Variants in ADAP1 observed in about 807,000 individuals in gnomAD.
The protein encoded by ADAP1 is ArfGAP with dual PH domains 1.
Under a neutral mutation model 54.9 loss-of-function variants are expected in ADAP1, and 31 were observed. That is an observed-to-expected ratio of 0.56 (90% CI 0.42 to 0.76). The LOEUF is 0.76. Among genes scored for constraint, ADAP1 ranks in the 30% least tolerant of loss-of-function variants. The pLI is 0.00. For synonymous variants in ADAP1, 313 were observed against 202.6 expected (o/e 1.55, Z -4.63); for missense variants, 535 against 512.4 (o/e 1.04, Z -0.42).
upstream of ADAP1, chr7:954,758 G>C (rs867484993): frequency 1.0e-6 from 1 of 964,860 alleles, no homozygotes; most frequent in Non-Finnish European, 1.2e-6. Flanking sequence ...GCAGGCGAGC[G>C]TGTGGCCTCC....
intron 4 of ADAP1, among the ~76,000 whole-genome samples, chr7:909,141 G>A (rs1430794712): frequency 6.7e-6 from 1 of 149,014 alleles, no homozygotes; most frequent in African/African-American, 2.5e-5. Flanking sequence ...GACAGCAGGC[G>A]CCAGCGGGAA....
At position 906,919 on chromosome 7, in the gene ADAP1, G is replaced by A. The variant is rs150771911; in HGVS notation, c.389-1747C>T. Among the ~76,000 whole-genome samples the A allele has an allele frequency of 2.7e-4, 39 of 146,618 alleles. 1 individual carries two copies. In the East Asian group the frequency reaches 2.9e-3, roughly 11 times the overall value. ...GCCAGCCTGAGGACGGCCTGGATGA[G>A]CGGGACTCCAGCTGTCCTTTACTGG... On this transcript the variant is annotated intron_variant, in intron 4 of 10. Transcript: ENST00000265846.
At chr7:903,821 C>T (rs577384481) in intron 6 of ADAP1, 2 of 310,598 alleles carry the variant, frequency 6.4e-6, no homozygotes, top group Admixed American at 4.8e-5. Flanking sequence ...CTGGCAGCCC[C>T]CACTGACAGG....
chr7:914,216 CCACCTGGCCCAGGCCT>C (rs1483740994), intron 4 of ADAP1, among the ~76,000 whole-genome samples: 4 of 152,108 alleles, frequency 2.6e-5, no homozygotes, highest in South Asian at 4.1e-4. Context: ...AGAGCGGGAG[CCACCTGGCCCAGGCCT>C]CACCTGGCCA....
At chr7:901,062 T>C (rs1361760069) in intron 6 of ADAP1, 2 of 471,222 alleles carry the variant, frequency 4.2e-6, no homozygotes, top group Admixed American at 2.3e-5. Context: ...GAGGCTCATC[T>C]GTTTATAAAC....
intron 5 of ADAP1, among the ~76,000 whole-genome samples, chr7:904,611 C>T (rs1845002646): frequency 6.6e-6 from 1 of 152,212 alleles, no homozygotes; most frequent in Non-Finnish European, 1.5e-5. Flanking sequence ...CAGTGCCCGC[C>T]ACGGCTCAGG....
chr7:938,039 G>T lies in ADAP1; in HGVS notation c.83-2534C>A, dbSNP rs1319950234. Among the ~76,000 whole-genome samples the T allele has an allele frequency of 1.3e-5, 2 of 152,220 alleles. No individual in the cohort carries two copies. The highest frequency in any genetic ancestry group is 6.5e-5 in the Admixed American group (1 of 15,282). The stretch of plus-strand genomic sequence containing the variant: ...AGGCTTTCTCCTCACCCCTCAGTCA[G>T]TCAAACATTTGCCCAAGTGACCCTG... On this transcript the variant is annotated intron_variant, in intron 1 of 10. Coordinates refer to ENST00000265846, the MANE Select transcript of ADAP1 (RefSeq NM_006869.4). The surrounding 1 kb of genome is among the most constrained non-coding windows in gnomAD (Gnocchi z 4.4).
At chr7:913,198 CTTT>C (rs10698107) in intron 4 of ADAP1, among the ~76,000 whole-genome samples, 109 of 104,190 alleles carry the variant, frequency 1.0e-3, no homozygotes, top group African/African-American at 3.5e-3. Flanking sequence ...CCTCCCCTTC[CTTT>C]TTTTTTTTTT....
rs112440513 is a variant in ADAP1 at position 903,085 on chromosome 7, C to T, written c.648+1041G>A. Among the ~76,000 whole-genome samples the T allele has an allele frequency of 5.0e-3, 762 of 152,222 alleles. 4 individuals carry two copies. The highest frequency in any genetic ancestry group is 0.017 in the African/African-American group (707 of 41,544). On this transcript the variant is annotated intron_variant, in intron 6 of 10. Coordinates refer to ENST00000265846, the MANE Select transcript of ADAP1 (RefSeq NM_006869.4). Reference sequence around the variant, plus strand: ...GGCTGCAGGAGCGAGATCTCCAGGCCGTGGGAGTCGCAGGCTCCTGGTGCC... The same window carrying T: ...GGCTGCAGGAGCGAGATCTCCAGGCTGTGGGAGTCGCAGGCTCCTGGTGCC...
chr7:910,348 C>T (rs117872557), intron 4 of ADAP1, among the ~76,000 whole-genome samples: 12 of 151,972 alleles, frequency 7.9e-5, no homozygotes, highest in African/African-American at 2.9e-4. Flanking sequence ...CTTCCGGGCT[C>T]AAGTGATCCT....
At chr7:935,300 C>T in intron 2 of ADAP1, 75 bp downstream of exon 2, 2 of 1,515,396 alleles carry the variant, frequency 1.3e-6, no homozygotes, top group African/African-American at 1.4e-5. Flanking sequence ...GGCCGCCCGG[C>T]ATCTCTGGCT....
chr7:931,722 T>C (rs1420659422), intron 2 of ADAP1, among the ~76,000 whole-genome samples: 1 of 150,362 alleles, frequency 6.7e-6, no homozygotes, highest in African/African-American at 2.5e-5. Flanking sequence ...GAACGGCATC[T>C]CTAGGAAGCA....
intron 1 of ADAP1, among the ~76,000 whole-genome samples, chr7:937,658 T>C (rs376141137): frequency 0.033 from 711 of 21,794 alleles, 81 homozygotes; most frequent in South Asian, 0.087. Flanking sequence ...TTGGGGGTCA[T>C]GCCCGGCCTC....
intron 2 of ADAP1, chr7:927,545 C>A (rs1299361326): frequency 4.3e-6 from 2 of 468,448 alleles, no homozygotes; most frequent in Non-Finnish European, 8.8e-6. Flanking sequence ...CCTGACATCA[C>A]CCTGCTCCGA....
chr7:904,339 C>G, intron 5 of ADAP1, 67 bp from the exon 6 acceptor site: 2 of 1,512,728 alleles, frequency 1.3e-6, no homozygotes, highest in South Asian at 2.6e-5. Flanking sequence ...GCAGGAAGGG[C>G]AGACCCTGTG....
intron 3 of ADAP1, among the ~76,000 whole-genome samples, chr7:925,243 C>T (rs1223872832): frequency 6.6e-6 from 1 of 152,052 alleles, no homozygotes; most frequent in South Asian, 2.1e-4. Context: ...CCGAAGACCC[C>T]GGGAGGGCCG....
chr7:901,400 G>GCACC (rs1419920241), intron 6 of ADAP1: 1 of 190,574 alleles, frequency 5.2e-6, no homozygotes, highest in Non-Finnish European at 1.1e-5. Flanking sequence ...ACTCTTGGCT[G>GCACC]CACCCTCTCC....
intron 4 of ADAP1, among the ~76,000 whole-genome samples, chr7:918,816 A>C (rs1583158531): frequency 1.3e-5 from 2 of 152,126 alleles, no homozygotes; most frequent in South Asian, 4.1e-4. Flanking sequence ...ACCCGAGCCC[A>C]CCTCCTACAG....
chr7:906,714 C>G lies in ADAP1; in HGVS notation c.389-1542G>C, dbSNP rs1845432131. 2.7e-3 allele frequency among the ~76,000 whole-genome samples: 50 copies of G among 18,514 alleles called. 2 individuals are homozygous for G. Among genetic ancestry groups the G allele is most frequent in the East Asian group, 0.02 (4 of 200 alleles). 12.1% of individuals were successfully genotyped at this position (18,514 alleles called of 152,430 possible). ...GGGGACATGGACATGGGGGACGGGA[C>G]ATCGGGGACGGGACATGGGGGACAG... is the stretch of plus-strand genomic sequence containing the variant. On this transcript the variant is annotated intron_variant, in intron 4 of 10. Transcript: ENST00000265846.
Sources: allele counts gnomAD v4.1 joint callset (sites outside exome capture counted in the v4.1 genomes callset), GRCh38; gene constraint gnomAD v4.1.1; non-coding constraint Gnocchi (gnomAD v3.1); transcripts MANE v1.5; gene names NCBI Gene and HGNC (gene_info 2026-07-23, HGNC 2026-07-21).